ADSS2: variants seen among roughly 807,000 people sequenced by gnomAD.
ADSS2 encodes the protein adenylosuccinate synthase 2, also known as adenylosuccinate synthetase isozyme 2.
A neutral mutation model predicts 60.0 loss-of-function variants in ADSS2; 30 were observed. The ratio of observed to expected loss-of-function variants is 0.50; its 90% CI spans 0.37 to 0.68. ADSS2 has a LOEUF of 0.68. Ranked by LOEUF, ADSS2 falls within the 30% of genes least tolerant of loss-of-function variation. The pLI, the probability that ADSS2 is intolerant of heterozygous loss-of-function variation, is 0.00. For missense variants in ADSS2, 373 were observed against 554.8 expected (o/e 0.67, Z 3.29); for synonymous variants, 187 against 193.1 (o/e 0.97, Z 0.26).
intron 4 of ADSS2, among the ~76,000 whole-genome samples, chr1:244,428,633 A>T (rs1664862704): frequency 6.6e-6 from 1 of 151,934 alleles, no homozygotes; most frequent in Non-Finnish European, 1.5e-5. Context: ...GAAAGAAGAG[A>T]AAGAGCTGAA....
intron 1 of ADSS2, among the ~76,000 whole-genome samples, chr1:244,447,524 T>C (rs1370729097): frequency 6.6e-6 from 1 of 152,184 alleles, no homozygotes; most frequent in Non-Finnish European, 1.5e-5. Flanking sequence ...CATTGAGATT[T>C]ACTGTCCTCA....
rs529055143 is a variant in ADSS2 at position 244,438,783 on chromosome 1, A to G, written c.184-1015T>C. 1.9e-4 allele frequency among the ~76,000 whole-genome samples: 29 copies of G among 152,326 alleles called. No homozygotes were observed. In the Middle Eastern group the frequency reaches 0.01, roughly 54 times the overall value. ...TCATTTTTCATTTTTGTTGCCACGT[A>G]GTATTACATACATTTATGTGTTGCA... On this transcript the variant is annotated intron_variant, in intron 1 of 12. Coordinates refer to ENST00000366535, the MANE Select transcript of ADSS2 (RefSeq NM_001126.5).
chr1:244,428,557 T>A (rs186219780), intron 4 of ADSS2, among the ~76,000 whole-genome samples: 2 of 151,486 alleles, frequency 1.3e-5, no homozygotes, highest in East Asian at 3.9e-4. Context: ...GTCAGTTGGT[T>A]GAGAGTTCAT....
chr1:244,413,748 G>A (rs1664469266), intron 11 of ADSS2, among the ~76,000 whole-genome samples: 1 of 152,128 alleles, frequency 6.6e-6, no homozygotes, highest in Non-Finnish European at 1.5e-5. Flanking sequence ...ACACAGTTGG[G>A]GGTGGAACAA....
Position 244,451,737 on chromosome 1 carries a change from T to C in ADSS2, c.81A>G (p.Gly27=), listed in dbSNP as rs1201696271. 4 of 1,607,600 alleles carry C rather than the reference T, an allele frequency of 2.5e-6. No homozygotes were observed. Among genetic ancestry groups the C allele is most frequent in the Middle Eastern group, 3.4e-4 (2 of 5,890 alleles). The part of the protein sequence containing the change: ...DCGRPRARPG[G]NRVTVVLGAQ... The stretch of plus-strand genomic sequence containing the variant: ...CACCGAGCACCACCGTCACCCGGTT[T>C]CCTCCGGGCCGCGCCCTGGGGCGGC... Residue 27 remains glycine, a synonymous_variant, in exon 1 of 13, where the codon GGA becomes GGG. Coordinates refer to ENST00000366535, the MANE Select transcript of ADSS2 (RefSeq NM_001126.5). The surrounding 1 kb of genome is among the most constrained non-coding windows in gnomAD (Gnocchi z 6.6).
intron 1 of ADSS2, among the ~76,000 whole-genome samples, chr1:244,439,410 G>A (rs1360496062): frequency 6.6e-6 from 1 of 152,180 alleles, no homozygotes; most frequent in Non-Finnish European, 1.5e-5. Flanking sequence ...CTTCAAGGTA[G>A]CAACTTCCTT....
chr1:244,423,326 G>A (rs1306511850), intron 6 of ADSS2, among the ~76,000 whole-genome samples: 1 of 152,186 alleles, frequency 6.6e-6, no homozygotes, highest in Non-Finnish European at 1.5e-5. Flanking sequence ...CAGTAAAGGT[G>A]CACTGCCAGT....
intron 2 of ADSS2, 52 bp downstream of exon 2, chr1:244,437,614 C>T: frequency 1.6e-6 from 2 of 1,242,982 alleles, no homozygotes; most frequent in Non-Finnish European, 1.2e-6. Flanking sequence ...AAATAAACGC[C>T]ATTATCAACT....
At chr1:244,429,552 G>A (rs915101066) in intron 4 of ADSS2, among the ~76,000 whole-genome samples, 6 of 152,152 alleles carry the variant, frequency 3.9e-5, no homozygotes, top group African/African-American at 1.2e-4. Flanking sequence ...ATTTTTTAAT[G>A]ATACTATTTA....
chr1:244,427,054 T>C (rs369314948), intron 4 of ADSS2, among the ~76,000 whole-genome samples: 30 of 152,184 alleles, frequency 2.0e-4, no homozygotes, highest in African/African-American at 7.2e-4. Context: ...CTGGATTTCA[T>C]ATTTAAATTT....
chr1:244,412,447 G>C (rs1311781383), intron 11 of ADSS2, among the ~76,000 whole-genome samples: 1 of 152,190 alleles, frequency 6.6e-6, no homozygotes, highest in African/African-American at 2.4e-5. Context: ...CTGGCTAGCT[G>C]GCTGGCTGGC....
intron 6 of ADSS2, among the ~76,000 whole-genome samples, chr1:244,423,416 C>A (rs1664719833): frequency 6.6e-6 from 1 of 152,182 alleles, no homozygotes; most frequent in Non-Finnish European, 1.5e-5. Context: ...TATACACAAC[C>A]AACTCCCTAT....
chr1:244,432,656 A>ATTTTTTT, intron 3 of ADSS2, 61 bp from the exon 4 acceptor site: 1 of 709,822 alleles, frequency 1.4e-6, no homozygotes, highest in Non-Finnish European at 2.1e-6. Flanking sequence ...TAAAATCTTA[A>ATTTTTTT]TTTCTTTTTT....
At chr1:244,435,633 A>C (rs1665080380) in intron 3 of ADSS2, among the ~76,000 whole-genome samples, 1 of 130,300 alleles carries the variant, frequency 7.7e-6, no homozygotes, top group Non-Finnish European at 1.6e-5. Flanking sequence ...CTCCTCCTCT[A>C]CCTCCATCCT....
At chr1:244,418,082 C>T (rs576371404) in intron 9 of ADSS2, among the ~76,000 whole-genome samples, 1 of 152,138 alleles carries the variant, frequency 6.6e-6, no homozygotes, top group Non-Finnish European at 1.5e-5. Flanking sequence ...TAGTTTGATG[C>T]TTTTCCTGAA....
chr1:244,438,124 T>A (rs1464370943), intron 1 of ADSS2, among the ~76,000 whole-genome samples: 2 of 152,198 alleles, frequency 1.3e-5, no homozygotes, highest in Non-Finnish European at 2.9e-5. Flanking sequence ...TGATATTCCA[T>A]CTACACACAC....
chr1:244,441,217 C>A (rs952651489), intron 1 of ADSS2, among the ~76,000 whole-genome samples: 1 of 152,252 alleles, frequency 6.6e-6, no homozygotes, highest in Non-Finnish European at 1.5e-5. Context: ...TGCCGCCATG[C>A]CCGGCTAATT....
At chr1:244,437,807 A>T (rs767860203) in intron 1 of ADSS2, 39 bp from the exon 2 acceptor site, 1 of 1,389,216 alleles carries the variant, frequency 7.2e-7, no homozygotes, top group Non-Finnish European at 1.0e-6. Context: ...CCTGATGATA[A>T]ATACTACAAA....
At chr1:244,418,224 G>A (rs905513083) in intron 9 of ADSS2, among the ~76,000 whole-genome samples, 13 of 152,110 alleles carry the variant, frequency 8.5e-5, no homozygotes, top group African/African-American at 1.9e-4. Flanking sequence ...ATGATCTACC[G>A]AAGTCCTTGA....
Sources: gnomAD v4.1 joint callset for allele counts (sites outside exome capture counted in the v4.1 genomes callset) on GRCh38, gnomAD v4.1.1 for gene constraint, Gnocchi (gnomAD v3.1) non-coding constraint, MANE v1.5 for transcripts, NCBI Gene and HGNC (gene_info 2026-07-23, HGNC 2026-07-21) for gene names.